MMS19: variants seen among roughly 807,000 people sequenced by gnomAD.
MMS19 encodes the protein MMS19 nucleotide excision repair protein homolog.
A neutral mutation model predicts 129.8 loss-of-function variants in MMS19; 77 were observed. The observed-to-expected ratio is 0.59, with a 90% CI of 0.49 to 0.72. The LOEUF (loss-of-function observed/expected upper bound fraction) is 0.72, where lower values mean the gene tolerates loss of function less well. Among genes scored for constraint, MMS19 ranks in the 30% least tolerant of loss-of-function variants. The probability of loss-of-function intolerance (pLI) is 0.00; values close to 1 mark genes in which losing one functional copy is unlikely to be tolerated. For synonymous variants in MMS19, 491 were observed against 502.8 expected (o/e 0.98, Z 0.31); for missense variants, 1,168 against 1,266.3 (o/e 0.92, Z 1.18).
intron 8 of MMS19, among the ~76,000 whole-genome samples, chr10:97,475,839 A>G (rs2035659397): frequency 1.3e-5 from 2 of 152,344 alleles, no homozygotes; most frequent in Admixed American, 1.3e-4. Context: ...GGATCTTTCA[A>G]GATTTCAAGG....
chr10:97,495,874 C>T (rs749786520), intron 1 of MMS19, among the ~76,000 whole-genome samples: 49 of 152,238 alleles, frequency 3.2e-4, no homozygotes, highest in Non-Finnish European at 4.6e-4. Context: ...CTCTGCCTCC[C>T]AGGCTCAAGC....
intron 18 of MMS19, among the ~76,000 whole-genome samples, chr10:97,464,410 A>G (rs1173573568): frequency 6.6e-6 from 1 of 152,216 alleles, no homozygotes; most frequent in Non-Finnish European, 1.5e-5. Context: ...TCATTCTACT[A>G]TGTAACAGCT....
intron 1 of MMS19, among the ~76,000 whole-genome samples, chr10:97,495,858 G>C (rs544967644): frequency 1.3e-5 from 2 of 152,264 alleles, no homozygotes; most frequent in Admixed American, 1.3e-4. Context: ...CTCCGCTCAC[G>C]GCAGCCTCTG....
intron 1 of MMS19, among the ~76,000 whole-genome samples, chr10:97,493,353 G>A (rs1393870337): frequency 6.6e-6 from 1 of 152,142 alleles, no homozygotes; most frequent in East Asian, 1.9e-4. Context: ...GAGGCTAGAG[G>A]ATCGCTAGAG....
At position 97,478,292 on chromosome 10, in the gene MMS19, A is replaced by G. The variant is rs749617209; in HGVS notation, c.348+12T>C. ...TGAACAAAGTTATGTAATGAAATGA[A>G]GGAAAACTCACAAGTGCCTTCAAAC... is the stretch of plus-strand genomic sequence containing the variant. On this transcript the variant is annotated intron_variant, in intron 4 of 30. Transcript: ENST00000438925. 6.3e-7 allele frequency: 1 copy of G among 1,581,886 alleles called. No individual in the cohort carries two copies. The highest frequency in any genetic ancestry group is 8.6e-7 in the Non-Finnish European group (1 of 1,162,752).
At chr10:97,480,286 A>G (rs2036545511) in intron 3 of MMS19, 1 of 463,592 alleles carries the variant, frequency 2.2e-6, no homozygotes, top group Non-Finnish European at 4.4e-6. Flanking sequence ...TTGGCTTTGG[A>G]GCCCCGCTCT....
Position 97,462,607 on chromosome 10 carries a change from G to A in MMS19, c.1988C>T (p.Thr663Ile), listed in dbSNP as rs1262630655. The A allele has an allele frequency of 1.9e-6, 3 of 1,613,756 alleles. No individual in the cohort carries two copies. Among genetic ancestry groups the A allele is most frequent in the East Asian group, 2.2e-5 (1 of 44,882 alleles). The change falls in exon 20 of 31, where the codon ACT becomes ATT. Residue 663 changes from threonine to isoleucine, a missense_variant. Coordinates refer to ENST00000438925, the MANE Select transcript of MMS19 (RefSeq NM_022362.5). ...CTCAGGGCTCAGGTGGGTTGTAGCA[G>A]TGCCAATGACAGACACCATGGCAGC... is the stretch of plus-strand genomic sequence containing the variant. Reference protein sequence around the residue: ...VLAAMVSVIGTATTHLSPELA... With the variant: ...VLAAMVSVIGIATTHLSPELA...
chr10:97,475,301 A>C (rs952149587), intron 8 of MMS19, among the ~76,000 whole-genome samples: 4 of 152,192 alleles, frequency 2.6e-5, no homozygotes, highest in African/African-American at 9.7e-5. Context: ...ATATAGATGA[A>C]AAAGCTCTGT....
At chr10:97,498,493 C>T, upstream of MMS19, 1 of 1,481,154 alleles carries the variant, frequency 6.8e-7, no homozygotes, top group African/African-American at 1.4e-5. Context: ...GGGCGGGGCG[C>T]CGGGGTCACG....
chr10:97,489,788 T>A (rs1469319892), intron 1 of MMS19, among the ~76,000 whole-genome samples: 1 of 152,242 alleles, frequency 6.6e-6, no homozygotes, highest in Admixed American at 6.5e-5. Flanking sequence ...AATTTGCATT[T>A]GTTTGATGTT....
At chr10:97,485,486 T>C (rs59111823) in intron 1 of MMS19, among the ~76,000 whole-genome samples, 3,688 of 152,302 alleles carry the variant, frequency 0.024, 165 homozygotes, top group African/African-American at 0.083. Flanking sequence ...CTAATTTTTG[T>C]ATTTTCAGTA....
At chr10:97,496,891 A>G (rs1213171646) in intron 1 of MMS19, among the ~76,000 whole-genome samples, 1 of 152,256 alleles carries the variant, frequency 6.6e-6, no homozygotes, top group East Asian at 1.9e-4. Context: ...TAGCTATATG[A>G]TAAAGCAAGT....
In MMS19 at chr10:97,484,096, C is replaced by A. The variant is rs1396832142; in HGVS notation, c.161+7G>T. 1 of 1,536,844 alleles carries A rather than the reference C, an allele frequency of 6.5e-7. No homozygotes were observed. Among genetic ancestry groups the A allele is most frequent in the East Asian group, 2.4e-5 (1 of 41,860 alleles). On this transcript the variant is annotated splice_region_variant and intron_variant, in intron 2 of 30. Coordinates refer to ENST00000438925, the MANE Select transcript of MMS19 (RefSeq NM_022362.5). ...GGAGAAGAACATTCTATAGCAGAGG[C>A]TCTTACCCAAGGGCTTCCACAACTT...
In MMS19 at chr10:97,477,378, G is replaced by A; in HGVS notation, c.462C>T (p.Ile154=). 3 of 1,613,986 alleles carry A rather than the reference G, an allele frequency of 1.9e-6. No individual in the cohort carries two copies. The highest frequency in any genetic ancestry group is 2.5e-6 in the Non-Finnish European group (3 of 1,179,880). Residue 154 remains isoleucine, a synonymous_variant, in exon 6 of 31, where the codon ATC becomes ATT. Transcript: ENST00000438925. ...PQVDRHTVYN[I]ITNFMRTREE... ...CCCGGGTTCGCATAAAATTGGTGAT[G>A]ATATTGTAGACTGTGTGTCGGTCCA...
At position 97,466,280 on chromosome 10, in the gene MMS19, C is replaced by G. The variant is rs914678128; in HGVS notation, c.1506-121G>C. On this transcript the variant is annotated intron_variant, in intron 16 of 30. Coordinates refer to ENST00000438925, the MANE Select transcript of MMS19 (RefSeq NM_022362.5). The stretch of plus-strand genomic sequence containing the variant: ...AACGCCTCCTTGCTAAAGAGCAGAA[C>G]TCAAGTACCTACACCACTGAGTTGG... The G allele has an allele frequency of 7.2e-6, 6 of 836,020 alleles. No individual in the cohort carries two copies. The African/African-American group carries it at 8.5e-5, about 12-fold the overall frequency. 51.8% of individuals were successfully genotyped at this position (836,020 alleles called of 1,614,324 possible).
chr10:97,498,269 G>T lies in MMS19; in HGVS notation c.112+4C>A. On this transcript the variant is annotated splice_donor_region_variant and intron_variant, in intron 1 of 30. Coordinates refer to ENST00000438925, the MANE Select transcript of MMS19 (RefSeq NM_022362.5). Reference sequence around the variant, plus strand: ...CGGAAGGCGCGCGGCGCCGTCTGCCGTACCTGCAGCCACCTGGTCAGCGGG... The same window carrying T: ...CGGAAGGCGCGCGGCGCCGTCTGCCTTACCTGCAGCCACCTGGTCAGCGGG... The T allele has an allele frequency of 6.4e-7, 1 of 1,556,322 alleles. No homozygotes were observed.
intron 2 of MMS19, among the ~76,000 whole-genome samples, chr10:97,483,008 C>T (rs2037153677): frequency 6.6e-6 from 1 of 151,978 alleles, no homozygotes; most frequent in Non-Finnish European, 1.5e-5. Context: ...GATCCGCCCA[C>T]CTCGGCCTCC....
At chr10:97,461,735 G>C in intron 22 of MMS19, 93 bp downstream of exon 22, 1 of 1,540,678 alleles carries the variant, frequency 6.5e-7, no homozygotes, top group Non-Finnish European at 8.8e-7. Flanking sequence ...TCTGGTGGGG[G>C]AAGTAAAAGA....
chr10:97,474,132 CAAAAAAAAAA>C (rs780173105), intron 8 of MMS19, among the ~76,000 whole-genome samples: 1 of 57,240 alleles, frequency 1.7e-5, no homozygotes, highest in African/African-American at 6.5e-5. Context: ...CAGCCTGCCT[CAAAAAAAAAA>C]AAAAAAAAGG....
Sources: gnomAD v4.1 joint callset for allele counts (sites outside exome capture counted in the v4.1 genomes callset) on GRCh38, gnomAD v4.1.1 for gene constraint, MANE v1.5 for transcripts, NCBI Gene and HGNC (gene_info 2026-07-23, HGNC 2026-07-21) for gene names.